The following SCN1B variants were observed in gnomAD, a reference collection of about 807,000 sequenced individuals.
SCN1B encodes sodium channel regulatory subunit beta-1.
A neutral mutation model predicts 25.7 loss-of-function variants in SCN1B; 11 were observed. The ratio of observed to expected loss-of-function variants is 0.43; its 90% CI spans 0.27 to 0.71. SCN1B has a LOEUF of 0.71. Ranked by LOEUF, SCN1B falls within the 30% of genes least tolerant of loss-of-function variation. The probability of loss-of-function intolerance (pLI) is 0.21; values close to 1 mark genes in which losing one functional copy is unlikely to be tolerated. For synonymous variants in SCN1B, 119 were observed against 117.5 expected (o/e 1.01, Z -0.08); for missense variants, 224 against 291.5 (o/e 0.77, Z 1.69).
chr19:35,036,561 T>C (rs1424032148), intron 3 of SCN1B: 2 of 151,766 alleles, frequency 1.3e-5, no homozygotes, highest in Non-Finnish European at 1.5e-5. Flanking sequence ...GCCTCCCAAG[T>C]AGGTGGGATT....
At position 35,032,558 on chromosome 19, in the gene SCN1B, T is replaced by TG; in HGVS notation, c.73dup (p.Asp25GlyfsTer28). 6.2e-7 allele frequency: 1 copy of TG among 1,614,008 alleles called. No homozygotes were observed. Among genetic ancestry groups the TG allele is most frequent in the Non-Finnish European group, 8.5e-7 (1 of 1,180,040 alleles). ...TCAGCCTGCGGGGGCTGCGTGGAGG[T>TG]GGACTCGGAGACCGAGGCCGTGTAT... On this transcript the variant is annotated frameshift_variant, in exon 2 of 6. Transcript: ENST00000262631. LOFTEE classifies it high-confidence loss of function. This position sits in a 1 kb window ranked among gnomAD's most constrained non-coding sequence, Gnocchi z 4.3.
Position 35,030,675 on chromosome 19 carries a change from T to A in SCN1B, c.-146T>A. The A allele has an allele frequency of 8.6e-5, 13 of 150,630 alleles. No homozygotes were observed. The highest frequency in any genetic ancestry group is 2.1e-4 in the East Asian group (1 of 4,846). 9.3% of individuals were successfully genotyped at this position (150,630 alleles called of 1,614,324 possible). ...CGGAGCGGGGGGGCCGCGCCCCCCC[T>A]CCTCCCCCCTCGCCGGTCCCAGAGC... On this transcript the variant is annotated 5_prime_UTR_variant, in exon 1 of 6. Coordinates refer to ENST00000262631, the MANE Select transcript of SCN1B (RefSeq NM_001037.5).
In SCN1B at chr19:35,033,747, G is replaced by A. The variant is rs200222933; in HGVS notation, c.448+8G>A. The A allele has an allele frequency of 5.7e-5, 92 of 1,614,044 alleles. No individual in the cohort carries two copies. Among genetic ancestry groups the A allele is most frequent in the Non-Finnish European group, 7.1e-5 (84 of 1,180,020 alleles). ...TTGAGGTAGTGGACAAAGGTGAGTC[G>A]GGTGCTGCCTGCCCCTTTACCGTCA... On this transcript the variant is annotated splice_region_variant and intron_variant, in intron 3 of 5. Transcript: ENST00000262631.
chr19:35,034,205 C>G (rs1420238373), intron 3 of SCN1B: 2 of 1,524,862 alleles, frequency 1.3e-6, no homozygotes, highest in Non-Finnish European at 1.8e-6. Flanking sequence ...TCTTACTGTT[C>G]GAGTAGCTCA....
Position 35,033,755 on chromosome 19 carries a change from C to T in SCN1B, c.448+16C>T. On this transcript the variant is annotated intron_variant, in intron 3 of 5. Coordinates refer to ENST00000262631, the MANE Select transcript of SCN1B (RefSeq NM_001037.5). ...GTGGACAAAGGTGAGTCGGGTGCTGCCTGCCCCTTTACCGTCACCCACCGG... is the reference window on the plus strand; with the variant it reads ...GTGGACAAAGGTGAGTCGGGTGCTGTCTGCCCCTTTACCGTCACCCACCGG... 6.2e-7 allele frequency: 1 copy of T among 1,613,986 alleles called. No individual in the cohort carries two copies. The highest frequency in any genetic ancestry group is 8.5e-7 in the Non-Finnish European group (1 of 1,180,032).
intron 3 of SCN1B, chr19:35,034,733 C>T (rs2064237793): frequency 6.5e-6 from 1 of 152,880 alleles, no homozygotes; most frequent in Non-Finnish European, 1.5e-5. Flanking sequence ...ATCCTCTCCC[C>T]ACCCTCTGGG....
intron 3 of SCN1B, chr19:35,035,810 T>C (rs1019950652): frequency 1.3e-5 from 2 of 152,200 alleles, no homozygotes; most frequent in Admixed American, 1.3e-4. Flanking sequence ...TTACCCACTA[T>C]AGGATATTTT....
In SCN1B at chr19:35,040,336, C is replaced by A. The variant is rs368951204; in HGVS notation, c.*545C>A. 96 of 160,724 alleles carry A rather than the reference C, an allele frequency of 6.0e-4. No homozygotes were observed. Among genetic ancestry groups the A allele is most frequent in the Middle Eastern group, 6.7e-3 (2 of 300 alleles). 10.0% of individuals were successfully genotyped at this position (160,724 alleles called of 1,614,324 possible). A position where few individuals can be genotyped will look rare whatever the true frequency, so the allele number is the denominator to read the frequency against. On this transcript the variant is annotated 3_prime_UTR_variant, in exon 6 of 6. Coordinates refer to ENST00000262631, the MANE Select transcript of SCN1B (RefSeq NM_001037.5). ...CCTGTAATGCACTCCTGCCCCGGCCCAACCTCGCCCTCTCTCACCAGCCTT... is the reference window on the plus strand; with the variant it reads ...CCTGTAATGCACTCCTGCCCCGGCCAAACCTCGCCCTCTCTCACCAGCCTT...
At position 35,030,793 on chromosome 19, in the gene SCN1B, A is replaced by G; in HGVS notation, c.-28A>G. On this transcript the variant is annotated 5_prime_UTR_variant, in exon 1 of 6. Coordinates refer to ENST00000262631, the MANE Select transcript of SCN1B (RefSeq NM_001037.5). ...CCGCTATTAATACCGGCGGCCCGGGAGGGGGGCGCAGCACGCGCCGCGCAG... is the reference window on the plus strand; with the variant it reads ...CCGCTATTAATACCGGCGGCCCGGGGGGGGGGCGCAGCACGCGCCGCGCAG... 2 of 987,992 alleles carry G rather than the reference A, an allele frequency of 2.0e-6. No individual in the cohort carries two copies. The highest frequency in any genetic ancestry group is 2.6e-6 in the Non-Finnish European group (2 of 763,208). The allele number at this position is 987,992 out of a possible 1,614,324, so 61.2% of individuals were successfully genotyped here.
rs1426135753 is a variant in SCN1B, at chr19:35,030,808, G to A, written c.-13G>A. 12 of 1,068,862 alleles carry A rather than the reference G, an allele frequency of 1.1e-5. No homozygotes were observed. Among genetic ancestry groups the A allele is most frequent in the Non-Finnish European group, 1.2e-5 (10 of 839,810 alleles). 66.2% of individuals were successfully genotyped at this position (1,068,862 alleles called of 1,614,324 possible). A position where few individuals can be genotyped will look rare whatever the true frequency, so the allele number is the denominator to read the frequency against. ...GCGGCCCGGGAGGGGGGCGCAGCAC[G>A]CGCCGCGCAGCCATGGGGAGGCTGC... is the stretch of plus-strand genomic sequence containing the variant. On this transcript the variant is annotated 5_prime_UTR_variant, in exon 1 of 6. Coordinates refer to ENST00000262631, the MANE Select transcript of SCN1B (RefSeq NM_001037.5).
chr19:35,033,737 A>G lies in SCN1B; in HGVS notation c.446A>G (p.Lys149Arg). 1 of 1,614,154 alleles carries G rather than the reference A, an allele frequency of 6.2e-7. No individual in the cohort carries two copies. The highest frequency in any genetic ancestry group is 8.5e-7 in the Non-Finnish European group (1 of 1,180,024). Residue 149 changes from lysine to arginine, a missense_variant and splice_region_variant, in exon 3 of 6, where the codon AAA becomes AGA. This residue lies in a region of SCN1B where 126 missense variants were observed against 204.9 expected (regional missense o/e 0.61). Transcript: ENST00000262631. ...AAGATCCACATTGAGGTAGTGGACA[A>G]AGGTGAGTCGGGTGCTGCCTGCCCC... ...VKKIHIEVVD[K>R]ANRDMASIVS...
rs2064206487 is a variant in SCN1B, at chr19:35,030,597, C to G, written c.-224C>G. 1.3e-5 allele frequency: 2 copies of G among 152,282 alleles called. No individual in the cohort carries two copies. Among genetic ancestry groups the G allele is most frequent in the Non-Finnish European group, 2.9e-5 (2 of 69,192 alleles). The allele number at this position is 152,282 out of a possible 1,614,324, so 9.4% of individuals were successfully genotyped here. On this transcript the variant is annotated 5_prime_UTR_variant, in exon 1 of 6. Coordinates refer to ENST00000262631, the MANE Select transcript of SCN1B (RefSeq NM_001037.5). The stretch of plus-strand genomic sequence containing the variant: ...CAGCCCGAGCAGCGGCCGCCGCCCG[C>G]GCGGCGGGGATGCCCGGACGCCGGG...
chr19:35,033,904 C>T, intron 3 of SCN1B, 165 bp downstream of exon 3: 3 of 1,582,160 alleles, frequency 1.9e-6, no homozygotes, highest in Non-Finnish European at 2.6e-6. Flanking sequence ...CCCACTCCAG[C>T]TCTGGCCTCT....
chr19:35,036,874 C>G (rs1305723500), intron 3 of SCN1B: 3 of 152,110 alleles, frequency 2.0e-5, no homozygotes, highest in Non-Finnish European at 4.4e-5. Context: ...CCTGCCTCAG[C>G]CTCCGAAGTA....
intron 3 of SCN1B, chr19:35,034,119 T>C (rs1353087371): frequency 1.3e-6 from 2 of 1,551,424 alleles, no homozygotes; most frequent in South Asian, 1.2e-5. Context: ...CATCATGGGG[T>C]TCATGAGGAT....
chr19:35,039,833 T>C lies in SCN1B; in HGVS notation c.*42T>C, dbSNP rs2278995. The C allele has an allele frequency of 0.15, 146,926 of 971,180 alleles. 11,905 individuals are homozygous for C. The highest frequency in any genetic ancestry group is 0.22 in the East Asian group (8,409 of 38,084). 60.2% of individuals were successfully genotyped at this position (971,180 alleles called of 1,614,324 possible). A position where few individuals can be genotyped will look rare whatever the true frequency, so the allele number is the denominator to read the frequency against. ...CGCCTCAAGGAAGAGCCAGCCGTAA[T>C]GGGGACTCTCCAGGCACCGCCTGCC... is the stretch of plus-strand genomic sequence containing the variant. On this transcript the variant is annotated 3_prime_UTR_variant, in exon 6 of 6. Transcript: ENST00000262631.
Position 35,034,059 on chromosome 19 carries a change from C to T in SCN1B, c.448+320C>T, listed in dbSNP as rs570257058. On this transcript the variant is annotated intron_variant, in intron 3 of 5. Transcript: ENST00000262631. ...GCCAAAGGGTTGTCCTGGGCTTGCC[C>T]GGGATAATAATCCGATGTGTTTCTC... 511 of 1,551,074 alleles carry T rather than the reference C, an allele frequency of 3.3e-4. 1 individual carries two copies. Among genetic ancestry groups the T allele is most frequent in the Admixed American group, 9.8e-4 (50 of 50,998 alleles).
At chr19:35,033,829 C>G (rs781079912) in intron 3 of SCN1B, 90 bp downstream of exon 3, 1 of 1,612,616 alleles carries the variant, frequency 6.2e-7, no homozygotes, top group Non-Finnish European at 8.5e-7. Flanking sequence ...GACAGGCTGG[C>G]TCTGTGCCTG....
chr19:35,032,737 C>A lies in SCN1B; in HGVS notation c.207+43C>A, dbSNP rs750771624. Reference sequence around the variant, plus strand: ...ACGGGCATGGGAGGGCAGGGGTCCACGAGTGGGAGGCGGTGGGGCTGGATC... The same window carrying A: ...ACGGGCATGGGAGGGCAGGGGTCCAAGAGTGGGAGGCGGTGGGGCTGGATC... On this transcript the variant is annotated intron_variant, in intron 2 of 5. Coordinates refer to ENST00000262631, the MANE Select transcript of SCN1B (RefSeq NM_001037.5). The surrounding 1 kb of genome is among the most constrained non-coding windows in gnomAD (Gnocchi z 4.3). 12 of 1,604,326 alleles carry A rather than the reference C, an allele frequency of 7.5e-6. No homozygotes were observed. Among genetic ancestry groups the A allele is most frequent in the Non-Finnish European group, 1.0e-5 (12 of 1,174,112 alleles).
Sources: allele counts gnomAD v4.1 joint callset, GRCh38; gene constraint gnomAD v4.1.1; regional missense constraint gnomAD v4.1.1; non-coding constraint Gnocchi (gnomAD v3.1); transcripts MANE v1.5; gene names NCBI Gene and HGNC (gene_info 2026-07-23, HGNC 2026-07-21).